The following ICE2 variants were observed in gnomAD, a reference collection of about 807,000 sequenced individuals.
The protein encoded by ICE2 is interactor of little elongation complex ELL subunit 2.
In ICE2, 87 loss-of-function variants were observed where a neutral mutation model predicts 105.4. The observed-to-expected ratio is 0.83, with a 90% confidence interval of 0.69 to 0.99. The LOEUF is 0.99. Among genes scored for constraint, ICE2 ranks in the 50% least tolerant of loss-of-function variants. The pLI, the probability that ICE2 is intolerant of heterozygous loss-of-function variation, is 0.00. For synonymous variants in ICE2, 399 were observed against 392.0 expected (o/e 1.02, Z -0.21); for missense variants, 1,323 against 1,146.7 (o/e 1.15, Z -2.22).
intron 13 of ICE2, 80 bp downstream of exon 13, chr15:60,436,063 A>G: frequency 1.8e-6 from 1 of 557,670 alleles, no homozygotes; most frequent in South Asian, 3.1e-5. Flanking sequence ...AAATAATTTA[A>G]GCTTAAACAA....
At chr15:60,455,265 G>T in intron 7 of ICE2, 61 bp downstream of exon 7, 1 of 1,540,380 alleles carries the variant, frequency 6.5e-7, no homozygotes, top group Non-Finnish European at 8.9e-7. Context: ...AATCGGGTTA[G>T]ATATATTTTG....
At chr15:60,464,302 G>C (rs1362335371) in intron 5 of ICE2, among the ~76,000 whole-genome samples, 1 of 152,128 alleles carries the variant, frequency 6.6e-6, no homozygotes, top group African/African-American at 2.4e-5. Flanking sequence ...GCACTTAAGC[G>C]TGCCATACAC....
Position 60,455,059 on chromosome 15 carries a change from G to A in ICE2, c.887C>T (p.Pro296Leu). Residue 296 changes from proline (P) to leucine (L), a missense_variant, in exon 8 of 16, where the codon CCA becomes CTA. Pro to Leu is a moderately conservative substitution (Grantham distance 98, BLOSUM62 -3). Coordinates refer to ENST00000261520, the MANE Select transcript of ICE2 (RefSeq NM_024611.6). Reference sequence around the variant, plus strand: ...AATTTCCCACTGTTCCTTGTACGTTGGTCCATGATTATTTAATAAGGTAAA... The same window carrying A: ...AATTTCCCACTGTTCCTTGTACGTTAGTCCATGATTATTTAATAAGGTAAA... Reference protein sequence around the residue: ...SLFTLLNNHGPTYKEQWEIPV... With the variant: ...SLFTLLNNHGLTYKEQWEIPV... 6.3e-7 allele frequency: 1 copy of A among 1,597,672 alleles called. No homozygotes were observed. Among genetic ancestry groups the A allele is most frequent in the Non-Finnish European group, 8.5e-7 (1 of 1,175,200 alleles).
chr15:60,473,889 T>C (rs1239087806), intron 3 of ICE2, among the ~76,000 whole-genome samples: 1 of 152,180 alleles, frequency 6.6e-6, no homozygotes, highest in Non-Finnish European at 1.5e-5. Context: ...ACTGCCTCTT[T>C]AAAACGTTTA....
chr15:60,464,243 A>G (rs116106637), intron 5 of ICE2, among the ~76,000 whole-genome samples: 127 of 152,360 alleles, frequency 8.3e-4, no homozygotes, highest in African/African-American at 2.9e-3. Flanking sequence ...CTTTGTTAAT[A>G]AAGTACAGTT....
chr15:60,438,313 C>G (rs1034526935), intron 12 of ICE2: 3 of 152,144 alleles, frequency 2.0e-5, no homozygotes, highest in African/African-American at 7.2e-5. Flanking sequence ...AAGCTGATGT[C>G]AATCACTGGG....
chr15:60,469,229 T>C (rs751739828), intron 3 of ICE2, among the ~76,000 whole-genome samples: 6 of 152,096 alleles, frequency 3.9e-5, no homozygotes, highest in South Asian at 2.1e-4. Context: ...TTCTCACTTA[T>C]AAGTGGGAGC....
chr15:60,451,875 G>C (rs1297610868), intron 9 of ICE2: 1 of 201,598 alleles, frequency 5.0e-6, no homozygotes, highest in Non-Finnish European at 8.8e-6. Context: ...ATGACCCTAA[G>C]TATAATAGGC....
intron 12 of ICE2, chr15:60,441,818 C>G (rs546620874): frequency 6.6e-6 from 1 of 152,006 alleles, no homozygotes; most frequent in Non-Finnish European, 1.5e-5. Flanking sequence ...ATCCCCATAC[C>G]CCAGCAGAAC....
At chr15:60,444,869 G>C (rs971898254) in intron 11 of ICE2, among the ~76,000 whole-genome samples, 3 of 152,090 alleles carry the variant, frequency 2.0e-5, no homozygotes, top group African/African-American at 7.2e-5. Flanking sequence ...TTTTTTAGTA[G>C]AGATGGGGTT....
chr15:60,467,968 T>A (rs967285252), intron 4 of ICE2, 93 bp downstream of exon 4: 34 of 1,179,884 alleles, frequency 2.9e-5, no homozygotes, highest in Non-Finnish European at 3.9e-5. Context: ...TTAAAAAAAA[T>A]GACGGGACCT....
chr15:60,434,551 A>ACT (rs1204355674), intron 13 of ICE2, among the ~76,000 whole-genome samples: 23 of 109,848 alleles, frequency 2.1e-4, no homozygotes, highest in African/African-American at 6.0e-4. Flanking sequence ...ACACACACAC[A>ACT]CACACACACA....
rs960555409 is a variant in ICE2, at chr15:60,422,597, G to A, written c.*1037C>T. 6.6e-6 allele frequency: 1 copy of A among 152,232 alleles called. No homozygotes were observed. Among genetic ancestry groups the A allele is most frequent in the Non-Finnish European group, 1.5e-5 (1 of 68,184 alleles). The allele number at this position is 152,232 out of a possible 1,614,324, so 9.4% of individuals were successfully genotyped here. ...TACCCCTGTAATCCCAGCACTTTGGGAGGCCAAGGCAGGCGGATCACAAGG... is the reference window on the plus strand; with the variant it reads ...TACCCCTGTAATCCCAGCACTTTGGAAGGCCAAGGCAGGCGGATCACAAGG... On this transcript the variant is annotated 3_prime_UTR_variant, in exon 16 of 16. Transcript: ENST00000261520.
intron 5 of ICE2, among the ~76,000 whole-genome samples, chr15:60,465,475 C>A (rs935811824): frequency 2.0e-5 from 3 of 152,154 alleles, no homozygotes; most frequent in Non-Finnish European, 2.9e-5. Flanking sequence ...GTGTGAGTCA[C>A]CGTGTCCGGA....
intron 3 of ICE2, among the ~76,000 whole-genome samples, chr15:60,469,863 T>C (rs907755029): frequency 6.6e-6 from 1 of 152,212 alleles, no homozygotes; most frequent in Admixed American, 6.5e-5. Context: ...GAACACAACT[T>C]CCTTATCTTA....
chr15:60,427,910 A>T (rs748434844), intron 15 of ICE2, among the ~76,000 whole-genome samples: 5 of 152,234 alleles, frequency 3.3e-5, no homozygotes, highest in Non-Finnish European at 7.3e-5. Flanking sequence ...TGAGTTACAT[A>T]ATACCTAGAA....
chr15:60,432,151 A>G (rs963255525), intron 13 of ICE2, among the ~76,000 whole-genome samples, 167 bp from the exon 14 acceptor site: 2 of 148,226 alleles, frequency 1.3e-5, no homozygotes, highest in African/African-American at 5.0e-5. Context: ...TTAAATTATG[A>G]TATTTACTTA....
intron 5 of ICE2, among the ~76,000 whole-genome samples, chr15:60,458,508 C>T (rs2064187248): frequency 2.0e-5 from 3 of 152,042 alleles, no homozygotes; most frequent in Admixed American, 1.3e-4. Context: ...GAGCAGTGAG[C>T]AGTAAGAAAA....
At position 60,466,728 on chromosome 15, in the gene ICE2, A is replaced by T; in HGVS notation, c.409-15T>A. ...TTTTTCATATCCTGATTTTTAAAAA[A>T]GTAGACATGTCTTGGGATAAAAAGT... On this transcript the variant is annotated splice_polypyrimidine_tract_variant and intron_variant, in intron 4 of 15. Transcript: ENST00000261520. 1.9e-6 allele frequency: 3 copies of T among 1,585,340 alleles called. No individual in the cohort carries two copies. Among genetic ancestry groups the T allele is most frequent in the Non-Finnish European group, 2.6e-6 (3 of 1,167,490 alleles).
Sources: gnomAD v4.1 joint callset for allele counts (sites outside exome capture counted in the v4.1 genomes callset) on GRCh38, gnomAD v4.1.1 for gene constraint, MANE v1.5 for transcripts, NCBI Gene and HGNC (gene_info 2026-07-23, HGNC 2026-07-21) for gene names.